GALNT14: variants seen among roughly 807,000 people sequenced by gnomAD.
GALNT14 encodes the protein UDP-GalNAc:polypeptide N-acetylgalactosaminyltransferase 14.
In GALNT14, 60 loss-of-function variants were observed where a neutral mutation model predicts 77.5. The observed-to-expected ratio is 0.77, with a 90% CI of 0.63 to 0.96. The LOEUF (loss-of-function observed/expected upper bound fraction) is 0.96, where lower values mean the gene tolerates loss of function less well. Among genes scored for constraint, GALNT14 ranks in the 40% least tolerant of loss-of-function variants. The pLI is 0.00. For synonymous variants in GALNT14, 280 were observed against 281.7 expected, an observed-to-expected ratio of 0.99 and a Z score of 0.06; for missense variants, 710 against 731.0, an observed-to-expected ratio of 0.97 and a Z score of 0.33.
At chr2:30,954,302 A>G (rs968052776) in intron 6 of GALNT14, among the ~76,000 whole-genome samples, 2 of 152,126 alleles carry the variant, frequency 1.3e-5, no homozygotes, top group Non-Finnish European at 2.9e-5. Flanking sequence ...ACATTTCCCA[A>G]TCCAGACCTC....
intron 9 of GALNT14, among the ~76,000 whole-genome samples, chr2:30,940,143 A>ACAT: frequency 1.3e-5 from 2 of 152,166 alleles, no homozygotes; most frequent in Middle Eastern, 6.8e-3. Flanking sequence ...AAATTTTGTG[A>ACAT]TGGATTGCAA....
chr2:31,120,113 G>A (rs112900034), intron 1 of GALNT14, among the ~76,000 whole-genome samples: 3 of 67,740 alleles, frequency 4.4e-5, no homozygotes, highest in East Asian at 6.7e-4. Flanking sequence ...CCGAGATCGC[G>A]CCACTGCACT....
chr2:31,060,845 C>A (rs1351398642), intron 1 of GALNT14, among the ~76,000 whole-genome samples: 1 of 152,178 alleles, frequency 6.6e-6, no homozygotes. Context: ...CTCCACCCAG[C>A]CAGGACTTTT....
chr2:31,120,474 T>A (rs1004850321), intron 1 of GALNT14, among the ~76,000 whole-genome samples: 5 of 152,170 alleles, frequency 3.3e-5, no homozygotes, highest in Non-Finnish European at 5.9e-5. Context: ...AATAGCCCAT[T>A]TACGTAAATC....
chr2:30,925,297 T>A (rs943171922), intron 11 of GALNT14, among the ~76,000 whole-genome samples: 3 of 152,232 alleles, frequency 2.0e-5, no homozygotes, highest in African/African-American at 7.2e-5. Flanking sequence ...TAGATATTCA[T>A]TGAGCACCTA....
rs544168031 is a variant in GALNT14, at chr2:30,938,980, T to C, written c.931+3221A>G. Among the ~76,000 whole-genome samples, 60 of 152,342 alleles carry C rather than the reference T, an allele frequency of 3.9e-4. No individual in the cohort carries two copies. In the South Asian group the frequency reaches 0.012, roughly 31 times the overall value. On this transcript the variant is annotated intron_variant, in intron 9 of 14. Coordinates refer to ENST00000349752, the MANE Select transcript of GALNT14 (RefSeq NM_024572.4). ...CATGTCTCTCTAGGGCTCCATTTAA[T>C]CCAATGAAACTTATTTTAAATGGAG...
the GALNT14 span, among the ~76,000 whole-genome samples, chr2:30,902,869 T>C: frequency 1.3e-5 from 2 of 152,204 alleles, no homozygotes; most frequent in Non-Finnish European, 2.9e-5. Flanking sequence ...TTTACTTTAG[T>C]GCAGTACCTG....
intron 13 of GALNT14, among the ~76,000 whole-genome samples, chr2:30,913,736 G>A (rs1664508704): frequency 6.6e-6 from 1 of 152,148 alleles, no homozygotes; most frequent in African/African-American, 2.4e-5. Flanking sequence ...TTTTCAAACT[G>A]TTGGTGTTGG....
intron 1 of GALNT14, among the ~76,000 whole-genome samples, chr2:31,043,895 G>A (rs149833446): frequency 1.3e-5 from 2 of 152,270 alleles, no homozygotes; most frequent in East Asian, 3.9e-4. Context: ...GAAATCAGTG[G>A]TGGGGTGGAC....
intron 1 of GALNT14, among the ~76,000 whole-genome samples, chr2:31,095,785 C>G (rs1257797637): frequency 6.6e-6 from 1 of 152,210 alleles, no homozygotes; most frequent in Non-Finnish European, 1.5e-5. Context: ...AAAAGTCTCT[C>G]TGTGTGCCTA....
At chr2:31,029,968 G>C (rs990606661) in intron 1 of GALNT14, among the ~76,000 whole-genome samples, 1 of 152,238 alleles carries the variant, frequency 6.6e-6, no homozygotes, top group Non-Finnish European at 1.5e-5. Flanking sequence ...CCTTGGGAAC[G>C]AGTGAGTTCT....
intron 1 of GALNT14, among the ~76,000 whole-genome samples, chr2:31,060,530 T>A (rs778635388): frequency 1.3e-5 from 2 of 152,296 alleles, no homozygotes; most frequent in South Asian, 4.1e-4. Context: ...GGGGAACCTG[T>A]TCATAAAACA....
At position 30,955,731 on chromosome 2, in the gene GALNT14, G is replaced by C; in HGVS notation, c.541C>G (p.Arg181Gly). The C allele has an allele frequency of 6.2e-7, 1 of 1,614,080 alleles. No individual in the cohort carries two copies. The highest frequency in any genetic ancestry group is 1.1e-5 in the South Asian group (1 of 91,082). The part of the protein sequence containing the change: ...LRNNERQGLV[R>G]SRIRGADIAQ... ...ATGTCAGCGCCCCGAATCCGGGACC[G>C]GACCAGACCTGCAGTCAGGAACAAA... The change falls in exon 6 of 15, where the codon CGG (arginine) becomes GGG (glycine). Residue 181 changes from arginine (R) to glycine (G), a missense_variant. By Grantham distance (125) the Arg-to-Gly change is moderately radical. Transcript: ENST00000349752.
At chr2:30,973,893 C>T (rs115803947) in intron 2 of GALNT14, among the ~76,000 whole-genome samples, 112 of 152,310 alleles carry the variant, frequency 7.4e-4, no homozygotes, top group African/African-American at 2.6e-3. Context: ...TATATCACCA[C>T]CTTTGAAGTG....
rs1678801967 is a variant in GALNT14, at chr2:31,128,361, C to T, written c.129+9597G>A. 2.6e-5 allele frequency among the ~76,000 whole-genome samples: 4 copies of T among 152,268 alleles called. No homozygotes were observed. The South Asian group carries it at 8.3e-4, about 32-fold the overall frequency. ...GCATTAGAGATGCAGGCAGGGCACCCTCTACATTAAGGTGACGTTGGATAT... is the reference window on the plus strand; with the variant it reads ...GCATTAGAGATGCAGGCAGGGCACCTTCTACATTAAGGTGACGTTGGATAT... On this transcript the variant is annotated intron_variant, in intron 1 of 14. Transcript: ENST00000349752.
At chr2:31,072,038 G>A (rs1675410778) in intron 1 of GALNT14, among the ~76,000 whole-genome samples, 1 of 152,094 alleles carries the variant, frequency 6.6e-6, no homozygotes, top group Admixed American at 6.5e-5. Context: ...AAGAGAAGAG[G>A]GCATGGGGAG....
chr2:31,063,345 G>A (rs1674724080), intron 1 of GALNT14, among the ~76,000 whole-genome samples: 1 of 152,096 alleles, frequency 6.6e-6, no homozygotes, highest in Admixed American at 6.6e-5. Flanking sequence ...GTTTTTGTCA[G>A]GTTTGTCAAA....
chr2:30,959,113 G>C (rs1667538351), intron 3 of GALNT14, among the ~76,000 whole-genome samples: 2 of 152,116 alleles, frequency 1.3e-5, no homozygotes, highest in South Asian at 4.2e-4. Flanking sequence ...TCCTGCTGCT[G>C]CCGCTGCTTG....
At chr2:30,972,071 G>A (rs1668389153) in intron 2 of GALNT14, among the ~76,000 whole-genome samples, 1 of 152,198 alleles carries the variant, frequency 6.6e-6, no homozygotes, top group African/African-American at 2.4e-5. Flanking sequence ...AAAAGACTTG[G>A]TCATAAATTA....
Sources: gnomAD v4.1 joint callset for allele counts (sites outside exome capture counted in the v4.1 genomes callset) on GRCh38, gnomAD v4.1.1 for gene constraint, MANE v1.5 for transcripts, NCBI Gene and HGNC (gene_info 2026-07-23, HGNC 2026-07-21) for gene names.